The following FCHSD2 variants were observed in gnomAD, a reference collection of about 807,000 sequenced individuals.
FCHSD2 encodes the protein FCH and double SH3 domains 2, also known as F-BAR and double SH3 domains protein 2.
FCHSD2 carries 38 observed loss-of-function variants against 108.1 expected under a neutral mutation model. The observed-to-expected ratio is 0.35, with a 90% confidence interval of 0.27 to 0.46. The LOEUF is 0.46. Ranked by LOEUF, FCHSD2 falls within the 20% of genes least tolerant of loss-of-function variation. The pLI is 1.00. For missense variants in FCHSD2, 751 were observed against 897.8 expected (o/e 0.84, Z 2.09); for synonymous variants, 279 against 314.7 (o/e 0.89, Z 1.20).
intron 2 of FCHSD2, among the ~76,000 whole-genome samples, chr11:73,101,902 T>C (rs1860234811): frequency 6.6e-6 from 1 of 152,184 alleles, no homozygotes; most frequent in Admixed American, 6.5e-5. Context: ...ATTGTGTCTA[T>C]GTATGAAAAC....
chr11:73,047,366 G>A (rs964107855), intron 3 of FCHSD2, among the ~76,000 whole-genome samples: 1 of 151,860 alleles, frequency 6.6e-6, no homozygotes, highest in Non-Finnish European at 1.5e-5. Flanking sequence ...CTTATTCAAG[G>A]TTATAAGAAA....
chr11:72,882,264 A>G (rs989300942), intron 12 of FCHSD2, among the ~76,000 whole-genome samples: 5 of 151,794 alleles, frequency 3.3e-5, no homozygotes, highest in African/African-American at 1.2e-4. Flanking sequence ...AACATGGTAA[A>G]ACCCTGTCTT....
intron 6 of FCHSD2, among the ~76,000 whole-genome samples, chr11:72,987,675 C>G (rs1263572519): frequency 1.3e-5 from 2 of 152,164 alleles, no homozygotes; most frequent in Admixed American, 6.5e-5. Context: ...TATCAAATCC[C>G]CACTTCTCAG....
intron 8 of FCHSD2, among the ~76,000 whole-genome samples, chr11:72,975,895 T>C (rs1857095152): frequency 6.6e-6 from 1 of 152,222 alleles, no homozygotes; most frequent in African/African-American, 2.4e-5. Flanking sequence ...AAATTGACGT[T>C]TGTTCTCTTT....
At chr11:72,954,238 C>T (rs1856671698) in intron 8 of FCHSD2, among the ~76,000 whole-genome samples, 1 of 127,912 alleles carries the variant, frequency 7.8e-6, no homozygotes, top group East Asian at 2.4e-4. Flanking sequence ...CAGGGTCTCA[C>T]TCTGTCACCC....
chr11:72,910,973 T>G (rs897366868), intron 9 of FCHSD2, among the ~76,000 whole-genome samples: 1 of 152,204 alleles, frequency 6.6e-6, no homozygotes, highest in Non-Finnish European at 1.5e-5. Flanking sequence ...TTATTTCCTT[T>G]GCTGTGCAGA....
intron 13 of FCHSD2, among the ~76,000 whole-genome samples, chr11:72,859,550 G>A (rs1861516029): frequency 6.6e-6 from 1 of 152,144 alleles, no homozygotes; most frequent in Non-Finnish European, 1.5e-5. Flanking sequence ...TGATAGATAT[G>A]TATGTATAGG....
chr11:72,920,699 T>C (rs1855961141), intron 9 of FCHSD2, among the ~76,000 whole-genome samples: 1 of 152,216 alleles, frequency 6.6e-6, no homozygotes, highest in South Asian at 2.1e-4. Flanking sequence ...AATTCAAATA[T>C]ATATACATTA....
intron 12 of FCHSD2, among the ~76,000 whole-genome samples, chr11:72,868,690 AAAACAAACAAAC>A (rs150087439): frequency 4.6e-5 from 7 of 150,878 alleles, no homozygotes; most frequent in East Asian, 3.9e-4. Flanking sequence ...GACTCTGTTA[AAAACAAACAAAC>A]AAACAAACAA....
intron 11 of FCHSD2, 86 bp from the exon 12 acceptor site, chr11:72,887,660 G>T: frequency 1.3e-5 from 10 of 783,030 alleles, no homozygotes; most frequent in South Asian, 2.1e-5. Flanking sequence ...TAATTCAAAG[G>T]GCTTTAGTGA....
Position 73,001,088 on chromosome 11 carries a change from C to T in FCHSD2, c.289G>A (p.Val97Ile). Residue 97 changes from valine to isoleucine, a missense_variant, in exon 5 of 20, where the codon GTA becomes ATA. Val to Ile is a conservative substitution (Grantham distance 29, BLOSUM62 3). Coordinates refer to ENST00000409418, the MANE Select transcript of FCHSD2 (RefSeq NM_014824.3). ...CATATATTCATCCGAGACTGGGCTA[C>T]CTGCATTGTTCCCTCGAGAAAAGAT... ...WKSFLEGTMQ[V>I]AQSRMNICEN... 1 of 1,613,078 alleles carries T rather than the reference C, an allele frequency of 6.2e-7. No individual in the cohort carries two copies. The highest frequency in any genetic ancestry group is 1.6e-4 in the Middle Eastern group (1 of 6,062).
intron 3 of FCHSD2, among the ~76,000 whole-genome samples, chr11:73,068,377 G>C (rs1859348125): frequency 6.6e-6 from 1 of 151,574 alleles, no homozygotes; most frequent in Non-Finnish European, 1.5e-5. Flanking sequence ...GGCGGAGAGA[G>C]AGCATCAGGA....
chr11:72,990,970 C>T (rs1446561337), intron 5 of FCHSD2, among the ~76,000 whole-genome samples: 4 of 151,826 alleles, frequency 2.6e-5, no homozygotes, highest in Non-Finnish European at 5.9e-5. Flanking sequence ...ACTAGCAAGA[C>T]TAATAAAGAA....
chr11:72,912,766 G>A (rs994824082), intron 9 of FCHSD2, among the ~76,000 whole-genome samples: 7 of 152,136 alleles, frequency 4.6e-5, no homozygotes, highest in African/African-American at 1.7e-4. Context: ...GCTTTTCCTT[G>A]CTGAGAGACT....
At chr11:73,125,881 G>A (rs1200807451) in intron 2 of FCHSD2, among the ~76,000 whole-genome samples, 1 of 152,140 alleles carries the variant, frequency 6.6e-6, no homozygotes, top group African/African-American at 2.4e-5. Flanking sequence ...GTAAAACAGA[G>A]CAAACCATTC....
intron 8 of FCHSD2, chr11:72,941,149 T>C: frequency 2.3e-6 from 1 of 425,710 alleles, no homozygotes. Context: ...CCTCATAATT[T>C]AGGACAGTCA....
intron 9 of FCHSD2, among the ~76,000 whole-genome samples, chr11:72,920,821 A>G (rs937823741): frequency 1.3e-5 from 2 of 152,236 alleles, no homozygotes; most frequent in African/African-American, 4.8e-5. Context: ...ACAATATAGG[A>G]AAACAGATAC....
At chr11:72,869,205 C>G (rs1854797298) in intron 12 of FCHSD2, among the ~76,000 whole-genome samples, 1 of 152,236 alleles carries the variant, frequency 6.6e-6, no homozygotes, top group African/African-American at 2.4e-5. Context: ...CCTCACCCAG[C>G]CAAGTTACCA....
At chr11:72,999,435 T>G (rs1857582347) in intron 5 of FCHSD2, among the ~76,000 whole-genome samples, 1 of 150,780 alleles carries the variant, frequency 6.6e-6, no homozygotes, top group African/African-American at 2.4e-5. Flanking sequence ...TTCTCCTGTC[T>G]CAGCCTCCCG....
Sources: gnomAD v4.1 joint callset for allele counts (sites outside exome capture counted in the v4.1 genomes callset) on GRCh38, gnomAD v4.1.1 for gene constraint, MANE v1.5 for transcripts, NCBI Gene and HGNC (gene_info 2026-07-23, HGNC 2026-07-21) for gene names.